Variants in MGAM observed in about 807,000 individuals in gnomAD.
MGAM encodes the protein maltase-glucoamylase, also known as alpha-1,4-glucosidase.
A neutral mutation model predicts 358.8 loss-of-function variants in MGAM; 253 were observed. The observed-to-expected ratio is 0.71, with a 90% CI of 0.64 to 0.78. The LOEUF (loss-of-function observed/expected upper bound fraction) is 0.78, where lower values mean the gene tolerates loss of function less well. Ranked by LOEUF, MGAM falls within the 30% of genes least tolerant of loss-of-function variation. MGAM has a pLI of 0.00. For missense variants in MGAM, 3,080 were observed against 3,432.6 expected, an observed-to-expected ratio of 0.90 and a Z score of 2.57; for synonymous variants, 1,105 against 1,227.1, an observed-to-expected ratio of 0.90 and a Z score of 2.08.
In MGAM at chr7:142,003,249, G is replaced by GGAACCCTGAA. The variant is rs1804875350; in HGVS notation, c.-2-2280_-2-2279insGAACCCTGAA. On this transcript the variant is annotated intron_variant, in intron 1 of 70. Coordinates refer to ENST00000475668, the MANE Select transcript of MGAM (RefSeq NM_001365693.1). Reference sequence around the variant, plus strand: ...AATTCATATGGAACCCTGAAAGAGTGTAAGTAGCCCAAGTAATCCAAAGCA... The same window carrying GGAACCCTGAA: ...AATTCATATGGAACCCTGAAAGAGTGGAACCCTGAATAAGTAGCCCAAGTAATCCAAAGCA... Among the ~76,000 whole-genome samples, 9 of 152,078 alleles carry GGAACCCTGAA rather than the reference G, an allele frequency of 5.9e-5. No homozygotes were observed. The South Asian group carries it at 1.9e-3, about 31-fold the overall frequency.
intron 2 of MGAM, among the ~76,000 whole-genome samples, chr7:142,007,303 T>C (rs1231402590): frequency 1.3e-5 from 2 of 152,136 alleles, no homozygotes; most frequent in African/African-American, 4.8e-5. Context: ...TTTTTGTTTA[T>C]TGAATTTTTA....
At chr7:142,073,946 T>A in intron 44 of MGAM, 139 bp from the exon 45 acceptor site, 1 of 658,240 alleles carries the variant, frequency 1.5e-6, no homozygotes, top group Non-Finnish European at 2.6e-6. Flanking sequence ...CATCTGTCGA[T>A]TTTGTGTTTG....
At chr7:142,055,051 T>G (rs1811364167) in intron 27 of MGAM, 143 bp downstream of exon 27, 2 of 1,034,402 alleles carry the variant, frequency 1.9e-6, no homozygotes, top group Non-Finnish European at 1.4e-6. Context: ...TCAGACCTAT[T>G]CTTACAGGAA....
intron 31 of MGAM, among the ~76,000 whole-genome samples, chr7:142,059,069 G>A (rs115256487): frequency 0.016 from 2,409 of 152,230 alleles, 59 homozygotes; most frequent in African/African-American, 0.055. Context: ...TTTTGTAGTA[G>A]ATTTACTATT....
In MGAM at chr7:142,084,861, G is replaced by T. The variant is rs570826805; in HGVS notation, c.6507+217G>T. Among the ~76,000 whole-genome samples, 22 of 146,620 alleles carry T rather than the reference G, an allele frequency of 1.5e-4. 4 individuals are homozygous for T. In the South Asian group the frequency reaches 1.5e-3, roughly 10 times the overall value. On this transcript the variant is annotated intron_variant, in intron 54 of 70. Coordinates refer to ENST00000475668, the MANE Select transcript of MGAM (RefSeq NM_001365693.1). Reference sequence around the variant, plus strand: ...CAAGACTTACTGTGATTTCCCAGAGGGGGAGATAAGCTGGCTCCAGGGCTC... The same window carrying T: ...CAAGACTTACTGTGATTTCCCAGAGTGGGAGATAAGCTGGCTCCAGGGCTC...
At chr7:142,065,510 G>T (rs1227951962) in intron 38 of MGAM, 42 bp downstream of exon 38, 1 of 1,613,876 alleles carries the variant, frequency 6.2e-7, no homozygotes, top group Non-Finnish European at 8.5e-7. Context: ...ACAGGGCAGG[G>T]AGTTGGGATC....
rs536561158 is a variant in MGAM, at chr7:142,065,106, C to T, written c.4485-229C>T. Among the ~76,000 whole-genome samples the T allele has an allele frequency of 4.6e-5, 7 of 152,244 alleles. No homozygotes were observed. In the South Asian group the frequency reaches 1.5e-3, roughly 32 times the overall value. On this transcript the variant is annotated intron_variant, in intron 37 of 70. Transcript: ENST00000475668. ...GTAATTCCTTAGTATTTTGGGAGTA[C>T]TCCAGTGAGGCTGCTACAGTGAAGT...
chr7:142,030,514 A>G, intron 11 of MGAM, 21 bp downstream of exon 11: 1 of 1,613,184 alleles, frequency 6.2e-7, no homozygotes, highest in Non-Finnish European at 8.5e-7. Context: ...CCCTCTTTCC[A>G]CCAAATTAGG....
At chr7:142,041,855 G>C (rs1229471120) in intron 21 of MGAM, among the ~76,000 whole-genome samples, 2 of 108,442 alleles carry the variant, frequency 1.8e-5, no homozygotes, top group African/African-American at 7.0e-5. Flanking sequence ...CAAGTTTCTG[G>C]TCATTTTATA....
In MGAM at chr7:142,103,320, C is replaced by A; in HGVS notation, c.8065C>A (p.Pro2689Thr). Residue 2689 changes from proline (P) to threonine (T), a missense_variant, in exon 70 of 71, where the codon CCT (proline) becomes ACT (threonine). Transcript: ENST00000475668. ...CAACAATTACATCACTGGTACAAATCCTTTGAAACTGGGCTACATTGAAAT... is the reference window on the plus strand; with the variant it reads ...CAACAATTACATCACTGGTACAAATACTTTGAAACTGGGCTACATTGAAAT... ...IFNNYITGTN[P>T]LKLGYIEIWG... The A allele has an allele frequency of 6.2e-7, 1 of 1,612,950 alleles. No homozygotes were observed. Among genetic ancestry groups the A allele is most frequent in the Non-Finnish European group, 8.5e-7 (1 of 1,179,434 alleles).
Position 142,005,585 on chromosome 7 carries a change from C to T in MGAM, c.55C>T (p.Leu19Phe), listed in dbSNP as rs782491643. The T allele has an allele frequency of 1.9e-6, 3 of 1,583,782 alleles. No individual in the cohort carries two copies. The highest frequency in any genetic ancestry group is 2.6e-6 in the Non-Finnish European group (3 of 1,165,430). Reference sequence around the variant, plus strand: ...TACTTTGGAGATTGTGCTCAGTGTTCTTCTGCTTGTGTTGTTTATCATCAG... The same window carrying T: ...TACTTTGGAGATTGTGCTCAGTGTTTTTCTGCTTGTGTTGTTTATCATCAG... Reference protein sequence around the residue: ...FTTLEIVLSVLLLVLFIISIV... With the variant: ...FTTLEIVLSVFLLVLFIISIV... Residue 19 changes from leucine (L) to phenylalanine (F), a missense_variant, in exon 2 of 71, where the codon CTT becomes TTT. Leu to Phe is a conservative substitution (Grantham distance 22). Coordinates refer to ENST00000475668, the MANE Select transcript of MGAM (RefSeq NM_001365693.1).
rs116549502 is a variant in MGAM, at chr7:142,079,930, A to G, written c.5848-861A>G. Among the ~76,000 whole-genome samples the G allele has an allele frequency of 1.4e-4, 21 of 146,500 alleles. 1 individual carries two copies. Among genetic ancestry groups the G allele is most frequent in the African/African-American group, 5.1e-4 (21 of 41,240 alleles). On this transcript the variant is annotated intron_variant, in intron 49 of 70. Transcript: ENST00000475668. The stretch of plus-strand genomic sequence containing the variant: ...CACCTAATGGGTTTGAAGTGAATGA[A>G]CTTCCTTGGAGTTCTAGCCTTAACC...
At chr7:142,041,958 A>AAT (rs538366756) in intron 21 of MGAM, among the ~76,000 whole-genome samples, 7 of 19,976 alleles carry the variant, frequency 3.5e-4, no homozygotes, top group African/African-American at 9.3e-4. Flanking sequence ...ACATATATAT[A>AAT]ATATATATAT....
At chr7:142,101,094 A>G (rs3800992) in intron 68 of MGAM, among the ~76,000 whole-genome samples, 25,737 of 152,150 alleles carry the variant, frequency 0.17, 2,359 homozygotes, top group African/African-American at 0.22. Context: ...ACCTCCCATT[A>G]TGCAACCTTT....
intron 5 of MGAM, among the ~76,000 whole-genome samples, 190 bp from the exon 6 acceptor site, chr7:142,021,396 G>A (rs1414126190): frequency 6.6e-6 from 1 of 152,148 alleles, no homozygotes; most frequent in Non-Finnish European, 1.5e-5. Context: ...GATGTGCTCT[G>A]TATGTCTCTA....
chr7:142,036,631 G>T (rs1449889030), intron 17 of MGAM, among the ~76,000 whole-genome samples, 192 bp from the exon 18 acceptor site: 2 of 152,178 alleles, frequency 1.3e-5, no homozygotes, highest in Non-Finnish European at 2.9e-5. Flanking sequence ...GAATCTTAAA[G>T]AATGAGGAAG....
At chr7:142,046,193 A>G (rs1198667055) in intron 21 of MGAM, among the ~76,000 whole-genome samples, 3 of 145,112 alleles carry the variant, frequency 2.1e-5, no homozygotes, top group Non-Finnish European at 4.5e-5. Flanking sequence ...TGCTCCTTAG[A>G]TGATTTTGTC....
At chr7:142,055,827 C>G in intron 28 of MGAM, 101 bp downstream of exon 28, 2 of 1,560,274 alleles carry the variant, frequency 1.3e-6, no homozygotes, top group Non-Finnish European at 1.7e-6. Context: ...TCATCACATT[C>G]TGCTTTTAGG....
intron 45 of MGAM, 113 bp from the exon 46 acceptor site, chr7:142,076,090 A>G: frequency 3.6e-6 from 3 of 833,660 alleles, no homozygotes; most frequent in Non-Finnish European, 4.0e-6. Flanking sequence ...CATAAGGTAA[A>G]GGAAATACTG....
Sources: gnomAD v4.1 joint callset for allele counts (sites outside exome capture counted in the v4.1 genomes callset) on GRCh38, gnomAD v4.1.1 for gene constraint, MANE v1.5 for transcripts, NCBI Gene and HGNC (gene_info 2026-07-23, HGNC 2026-07-21) for gene names.